SYT9: variants seen among roughly 807,000 people sequenced by gnomAD.
The protein encoded by SYT9 is synaptotagmin 9, also known as synaptotagmin-9.
SYT9 carries 22 observed loss-of-function variants against 48.4 expected under a neutral mutation model. The observed-to-expected ratio is 0.45, with a 90% CI of 0.32 to 0.65. The LOEUF (loss-of-function observed/expected upper bound fraction) is 0.65, where lower values mean the gene tolerates loss of function less well. SYT9 is among the 30% of genes least tolerant of loss of function. The probability of loss-of-function intolerance (pLI) is 0.03; values close to 1 mark genes in which losing one functional copy is unlikely to be tolerated. For missense variants in SYT9, 577 were observed against 622.0 expected, an observed-to-expected ratio of 0.93 and a Z score of 0.77; for synonymous variants, 265 against 245.0, an observed-to-expected ratio of 1.08 and a Z score of -0.76.
At chr11:7,404,829 A>G (rs1846969790) in intron 3 of SYT9, among the ~76,000 whole-genome samples, 1 of 152,192 alleles carries the variant, frequency 6.6e-6, no homozygotes, top group Admixed American at 6.5e-5. Context: ...AAGGAATGCA[A>G]AAGTGCACGG....
rs1325179034 is a variant in SYT9 at position 7,252,877 on chromosome 11, T to C, written c.145+546T>C. Among the ~76,000 whole-genome samples the C allele has an allele frequency of 6.6e-6, 1 of 152,206 alleles. No homozygotes were observed. Among genetic ancestry groups the C allele is most frequent in the African/African-American group, 2.4e-5 (1 of 41,466 alleles). On this transcript the variant is annotated intron_variant, in intron 1 of 6. Coordinates refer to ENST00000318881, the MANE Select transcript of SYT9 (RefSeq NM_175733.4). This position sits in a 1 kb window ranked among gnomAD's most constrained non-coding sequence, Gnocchi z 6.3. ...CGGCGTTGGGCCGGGGACAGGGTGC[T>C]TCTGGCCTTGGGCAGACGGGCCTGA...
At chr11:7,258,846 T>A (rs1848026154) in intron 1 of SYT9, among the ~76,000 whole-genome samples, 1 of 152,112 alleles carries the variant, frequency 6.6e-6, no homozygotes, top group South Asian at 2.1e-4. Flanking sequence ...TTGTAATTAT[T>A]TGTAGGCTAA....
chr11:7,258,531 T>G (rs1191209492), intron 1 of SYT9, among the ~76,000 whole-genome samples: 1 of 152,070 alleles, frequency 6.6e-6, no homozygotes, highest in Admixed American at 6.5e-5. Flanking sequence ...CACAAAAACT[T>G]TAAATCAACA....
At chr11:7,435,915 A>T (rs1847698085) in intron 6 of SYT9, 1 of 152,222 alleles carries the variant, frequency 6.6e-6, no homozygotes, top group African/African-American at 2.4e-5. Context: ...CAGGAGGCAG[A>T]GGTTGCAGTG....
In SYT9 at chr11:7,466,788, G is replaced by A. The variant is rs777267284; in HGVS notation, c.1468-4G>A. 1 of 1,610,856 alleles carries A rather than the reference G, an allele frequency of 6.2e-7. No homozygotes were observed. The highest frequency in any genetic ancestry group is 1.1e-5 in the South Asian group (1 of 90,340). On this transcript the variant is annotated splice_region_variant and splice_polypyrimidine_tract_variant and intron_variant, in intron 6 of 6. Transcript: ENST00000318881. ...AATTATTTTTTTGTTTTTTCTTCCT[G>A]CAGAAACGATGACCATGGGTAAGAG... is the stretch of plus-strand genomic sequence containing the variant.
At chr11:7,445,379 G>T (rs1293847900) in intron 6 of SYT9, among the ~76,000 whole-genome samples, 1 of 152,160 alleles carries the variant, frequency 6.6e-6, no homozygotes, top group Non-Finnish European at 1.5e-5. Context: ...TCACTGTCCA[G>T]CCTTGGACTC....
At chr11:7,276,552 G>A (rs1003936531) in intron 1 of SYT9, among the ~76,000 whole-genome samples, 8 of 152,150 alleles carry the variant, frequency 5.3e-5, no homozygotes, top group East Asian at 1.9e-4. Context: ...CACCCCTTGC[G>A]TTAGACTAAC....
At chr11:7,321,025 A>G (rs568396265) in intron 3 of SYT9, among the ~76,000 whole-genome samples, 259 of 151,686 alleles carry the variant, frequency 1.7e-3, no homozygotes, top group African/African-American at 6.0e-3. Context: ...TAAGCACTTC[A>G]GGAATCTCTT....
chr11:7,334,768 A>G (rs4542385), intron 3 of SYT9, among the ~76,000 whole-genome samples: 58,876 of 145,892 alleles, frequency 0.4, 11,892 homozygotes, highest in African/African-American at 0.5. Flanking sequence ...TCTTTCAATC[A>G]GAATAATTAT....
intron 3 of SYT9, among the ~76,000 whole-genome samples, chr11:7,331,547 CA>C (rs57712698): frequency 1.2e-4 from 18 of 149,952 alleles, no homozygotes; most frequent in Admixed American, 7.3e-4. Context: ...CCGTTTCTAC[CA>C]AAAAAAAATA....
Position 7,314,236 on chromosome 11 carries a change from C to T in SYT9, c.1044+295C>T, listed in dbSNP as rs146329308. On this transcript the variant is annotated intron_variant, in intron 3 of 6. Transcript: ENST00000318881. ...CAGGTGTTATCTGTCCTCCGTACCA[C>T]ATTTTCTTTAGAGCTTTTTCAGGTT... The T allele has an allele frequency of 1.9e-4, 100 of 516,310 alleles. No homozygotes were observed. In the East Asian group the frequency reaches 4.0e-3, roughly 21 times the overall value. The allele number at this position is 516,310 out of a possible 1,614,324, so 32.0% of individuals were successfully genotyped here. A position where few individuals can be genotyped will look rare whatever the true frequency, so the allele number is the denominator to read the frequency against.
At chr11:7,324,630 A>C (rs562911320) in intron 3 of SYT9, among the ~76,000 whole-genome samples, 18 of 152,042 alleles carry the variant, frequency 1.2e-4, no homozygotes, top group African/African-American at 4.3e-4. Context: ...TCTAGCATCA[A>C]ATATGAGTTT....
At chr11:7,463,067 T>A (rs563522865) in intron 6 of SYT9, among the ~76,000 whole-genome samples, 3 of 152,358 alleles carry the variant, frequency 2.0e-5, no homozygotes, top group African/African-American at 7.2e-5. Flanking sequence ...TCTGTTCAGA[T>A]AGGATTGTAA....
intron 3 of SYT9, among the ~76,000 whole-genome samples, chr11:7,380,858 C>T (rs1850547620): frequency 6.6e-6 from 1 of 152,092 alleles, no homozygotes. Flanking sequence ...GATGTTGTAT[C>T]ATTGACTTTT....
At position 7,275,814 on chromosome 11, in the gene SYT9, C is replaced by T. The variant is rs115833072; in HGVS notation, c.145+23483C>T. On this transcript the variant is annotated intron_variant, in intron 1 of 6. Coordinates refer to ENST00000318881, the MANE Select transcript of SYT9 (RefSeq NM_175733.4). Reference sequence around the variant, plus strand: ...CCTGAAATGTTTTTCTCACAGGCCCCGCGTGGCTCACTGCTCACTTCATTT... The same window carrying T: ...CCTGAAATGTTTTTCTCACAGGCCCTGCGTGGCTCACTGCTCACTTCATTT... 5.8e-3 allele frequency among the ~76,000 whole-genome samples: 887 copies of T among 152,268 alleles called. 7 individuals are homozygous for T. Among genetic ancestry groups the T allele is most frequent in the African/African-American group, 0.02 (822 of 41,544 alleles).
chr11:7,445,521 C>T (rs944449618), intron 6 of SYT9, among the ~76,000 whole-genome samples: 1 of 152,194 alleles, frequency 6.6e-6, no homozygotes, highest in African/African-American at 2.4e-5. Flanking sequence ...TGGTGCTCCT[C>T]CAAAAACCTT....
intron 1 of SYT9, among the ~76,000 whole-genome samples, chr11:7,289,005 A>T: frequency 6.6e-6 from 1 of 152,230 alleles, no homozygotes; most frequent in Non-Finnish European, 1.5e-5. Context: ...GGATGCCCAG[A>T]AAAGTGTGAA....
intron 6 of SYT9, among the ~76,000 whole-genome samples, chr11:7,452,836 G>T (rs1848080322): frequency 6.6e-6 from 1 of 152,098 alleles, no homozygotes. Context: ...AGGCTGGAGT[G>T]CAATGATGCG....
At chr11:7,379,859 A>G (rs902960693) in intron 3 of SYT9, among the ~76,000 whole-genome samples, 2 of 152,178 alleles carry the variant, frequency 1.3e-5, no homozygotes, top group African/African-American at 4.8e-5. Context: ...AAGTTAGTAT[A>G]ACCACTATGG....
Sources: gnomAD v4.1 joint callset for allele counts (sites outside exome capture counted in the v4.1 genomes callset) on GRCh38, gnomAD v4.1.1 for gene constraint, Gnocchi (gnomAD v3.1) non-coding constraint, MANE v1.5 for transcripts, NCBI Gene and HGNC (gene_info 2026-07-23, HGNC 2026-07-21) for gene names.